Variants in CTNNA3 observed in about 807,000 individuals in gnomAD.
CTNNA3 encodes catenin alpha 3.
A neutral mutation model predicts 95.7 loss-of-function variants in CTNNA3; 76 were observed. That is an observed-to-expected ratio of 0.79 (90% confidence interval 0.66 to 0.96). The LOEUF (loss-of-function observed/expected upper bound fraction) is 0.96, where lower values mean the gene tolerates loss of function less well. Ranked by LOEUF, CTNNA3 falls within the 40% of genes least tolerant of loss-of-function variation. The pLI is 0.00. For synonymous variants in CTNNA3, 431 were observed against 374.4 expected (o/e 1.15, Z -1.74); for missense variants, 1,191 against 1,089.8 (o/e 1.09, Z -1.31).
chr10:66,004,388 T>C (rs550031564), intron 15 of CTNNA3, among the ~76,000 whole-genome samples: 5 of 152,332 alleles, frequency 3.3e-5, no homozygotes, highest in African/African-American at 9.6e-5. Context: ...TCTTTTTCTT[T>C]TCCTTTTTTT....
intron 15 of CTNNA3, among the ~76,000 whole-genome samples, chr10:65,995,848 A>T (rs575184342): frequency 6.6e-6 from 1 of 152,316 alleles, no homozygotes; most frequent in East Asian, 1.9e-4. Flanking sequence ...TGGGTGGGGC[A>T]AGATGATCCC....
chr10:66,163,597 C>T (rs143718721), intron 13 of CTNNA3, among the ~76,000 whole-genome samples: 140 of 152,278 alleles, frequency 9.2e-4, no homozygotes, highest in Middle Eastern at 6.8e-3. Flanking sequence ...CTGCTTCCTT[C>T]AGAGGGTCTC....
At chr10:67,212,720 C>T (rs7099290) in intron 6 of CTNNA3, among the ~76,000 whole-genome samples, 6,562 of 151,882 alleles carry the variant, frequency 0.043, 180 homozygotes, top group South Asian at 0.088. Flanking sequence ...TTTTTCTCTT[C>T]TAACTTGTTA....
intron 7 of CTNNA3, among the ~76,000 whole-genome samples, chr10:67,158,849 A>G (rs1397387731): frequency 2.0e-5 from 3 of 151,934 alleles, no homozygotes; most frequent in South Asian, 2.1e-4. Context: ...AAAAAAAAAA[A>G]GTAACAAAAA....
rs570684734 is a variant in CTNNA3, at chr10:67,180,242, C to T, written c.1047+75G>A. The T allele has an allele frequency of 1.6e-4, 202 of 1,226,940 alleles. 1 individual carries two copies. The highest frequency in any genetic ancestry group is 1.2e-3 in the Middle Eastern group (6 of 4,950). The allele number at this position is 1,226,940 out of a possible 1,614,324, so 76.0% of individuals were successfully genotyped here. A position where few individuals can be genotyped will look rare whatever the true frequency, so the allele number is the denominator to read the frequency against. ...TTTGTAATTTACCCTATTTTGTATA[C>T]GGAAAGTATCTCAGCCTATATTCAA... On this transcript the variant is annotated intron_variant, in intron 7 of 17. Coordinates refer to ENST00000433211, the MANE Select transcript of CTNNA3 (RefSeq NM_013266.4).
intron 1 of CTNNA3, among the ~76,000 whole-genome samples, chr10:67,662,352 T>C (rs1375833337): frequency 1.3e-5 from 2 of 152,202 alleles, no homozygotes; most frequent in African/African-American, 4.8e-5. Context: ...TCTCGCAAAA[T>C]ATCTTATTTT....
At position 66,779,428 on chromosome 10, in the gene CTNNA3, C is replaced by A. The variant is rs535129241; in HGVS notation, c.1048-3904G>T. ...CTAGAGTGCAGTAGTGCCATCTCGG[C>A]TCACTGCAACCTATGCCTCCTGGGT... On this transcript the variant is annotated intron_variant, in intron 7 of 17. Coordinates refer to ENST00000433211, the MANE Select transcript of CTNNA3 (RefSeq NM_013266.4). Among the ~76,000 whole-genome samples, 4 of 152,240 alleles carry A rather than the reference C, an allele frequency of 2.6e-5. No homozygotes were observed. In the South Asian group the frequency reaches 8.3e-4, roughly 32 times the overall value.
chr10:66,031,148 A>C (rs1347128556), intron 15 of CTNNA3, among the ~76,000 whole-genome samples: 1 of 152,178 alleles, frequency 6.6e-6, no homozygotes, highest in Non-Finnish European at 1.5e-5. Context: ...ACTCGATTGG[A>C]GATTCCTCAG....
chr10:66,266,159 AGAAG>A lies in CTNNA3; in HGVS notation c.1884+14307_1884+14310del, dbSNP rs1194752781. 1.1e-4 allele frequency among the ~76,000 whole-genome samples: 14 copies of A among 131,502 alleles called. No homozygotes were observed. The East Asian group carries it at 2.9e-3, about 27-fold the overall frequency. 86.3% of individuals were successfully genotyped at this position (131,502 alleles called of 152,430 possible). A position where few individuals can be genotyped will look rare whatever the true frequency, so the allele number is the denominator to read the frequency against. ...AGGAAGGAAAGAAGGAAGGAAGGAA[AGAAG>A]GAAGGAAGGAAGGGGCTCTGAAAAC... On this transcript the variant is annotated intron_variant, in intron 13 of 17. Coordinates refer to ENST00000433211, the MANE Select transcript of CTNNA3 (RefSeq NM_013266.4).
In CTNNA3 at chr10:66,591,823, C is replaced by T. The variant is rs373135696; in HGVS notation, c.1374+29869G>A. 3.0e-4 allele frequency among the ~76,000 whole-genome samples: 45 copies of T among 152,074 alleles called. No homozygotes were observed. The East Asian group carries it at 4.2e-3, about 14-fold the overall frequency. ...ATACAACACTCCAAATAAGCATTGG[C>T]GAGTTAATAATACACAGGAAAAAAA... is the stretch of plus-strand genomic sequence containing the variant. On this transcript the variant is annotated intron_variant, in intron 10 of 17. Coordinates refer to ENST00000433211, the MANE Select transcript of CTNNA3 (RefSeq NM_013266.4).
intron 15 of CTNNA3, among the ~76,000 whole-genome samples, chr10:65,999,718 C>A (rs984930267): frequency 6.6e-6 from 1 of 152,104 alleles, no homozygotes; most frequent in Admixed American, 6.6e-5. Flanking sequence ...GTAATGAAGG[C>A]TTTTTAAATT....
intron 5 of CTNNA3, among the ~76,000 whole-genome samples, chr10:67,279,544 T>TAAGGAGAGCAGAGTTCATTGGG (rs1554817340): frequency 1.4e-5 from 2 of 138,864 alleles, no homozygotes; most frequent in African/African-American, 5.6e-5. Context: ...AGGGTAATAG[T>TAAGGAGAGCAGAGTTCATTGGG]CAATTAGGTA....
intron 3 of CTNNA3, among the ~76,000 whole-genome samples, chr10:67,540,036 T>G (rs1448565968): frequency 6.6e-6 from 1 of 152,174 alleles, no homozygotes. Context: ...AAATCTTTAT[T>G]GAGTTACTTT....
chr10:66,963,184 CT>C (rs1849214037), intron 7 of CTNNA3, among the ~76,000 whole-genome samples: 1 of 152,152 alleles, frequency 6.6e-6, no homozygotes, highest in Non-Finnish European at 1.5e-5. Flanking sequence ...TAAAAACTAA[CT>C]AGTGGCTCAC....
chr10:67,469,661 T>C (rs1273704414), intron 5 of CTNNA3, among the ~76,000 whole-genome samples: 2 of 152,102 alleles, frequency 1.3e-5, no homozygotes, highest in Admixed American at 6.5e-5. Context: ...CTAATGTCAA[T>C]GATGGGTTGA....
intron 5 of CTNNA3, among the ~76,000 whole-genome samples, chr10:67,483,047 C>T (rs1270192961): frequency 6.6e-6 from 1 of 151,996 alleles, no homozygotes; most frequent in Non-Finnish European, 1.5e-5. Context: ...CAGAGAAATG[C>T]AAATCAAAAC....
intron 5 of CTNNA3, among the ~76,000 whole-genome samples, chr10:67,483,752 G>T (rs1480440793): frequency 7.6e-6 from 1 of 131,656 alleles, no homozygotes; most frequent in Non-Finnish European, 1.6e-5. Flanking sequence ...AAAACTTAAA[G>T]TATAATAATA....
chr10:66,373,764 C>T (rs1016131618), intron 12 of CTNNA3, among the ~76,000 whole-genome samples: 1 of 152,164 alleles, frequency 6.6e-6, no homozygotes, highest in East Asian at 1.9e-4. Context: ...GAAGCATTAC[C>T]AAAATTAGGT....
intron 10 of CTNNA3, among the ~76,000 whole-genome samples, chr10:66,540,904 C>T (rs1380212559): frequency 1.3e-5 from 2 of 152,064 alleles, no homozygotes; most frequent in Admixed American, 6.6e-5. Context: ...GGATGGTCTT[C>T]ATGTGTGAAT....
Sources: allele counts gnomAD v4.1 joint callset (sites outside exome capture counted in the v4.1 genomes callset), GRCh38; gene constraint gnomAD v4.1.1; transcripts MANE v1.5; gene names NCBI Gene and HGNC (gene_info 2026-07-23, HGNC 2026-07-21).